The following CADM1 variants were observed in gnomAD, a reference collection of about 807,000 sequenced individuals.
CADM1 encodes the protein TSLC-1.
A neutral mutation model predicts 53.1 loss-of-function variants in CADM1; 15 were observed. The observed-to-expected ratio is 0.28, with a 90% confidence interval of 0.19 to 0.44. The LOEUF is 0.44. Among genes scored for constraint, CADM1 ranks in the 20% least tolerant of loss-of-function variants. CADM1 has a pLI of 1.00. For synonymous variants in CADM1, 281 were observed against 243.0 expected, an observed-to-expected ratio of 1.16 and a Z score of -1.45; for missense variants, 434 against 611.3, an observed-to-expected ratio of 0.71 and a Z score of 3.06.
At chr11:115,389,966 G>C (rs952640050) in intron 1 of CADM1, among the ~76,000 whole-genome samples, 2 of 152,254 alleles carry the variant, frequency 1.3e-5, no homozygotes, top group African/African-American at 4.8e-5. Flanking sequence ...TAGTCTCAAA[G>C]ATGGGAACTA....
At chr11:115,470,895 C>G (rs1054096901) in intron 1 of CADM1, among the ~76,000 whole-genome samples, 2 of 152,162 alleles carry the variant, frequency 1.3e-5, no homozygotes, top group African/African-American at 2.4e-5. Flanking sequence ...GGGAATCAAT[C>G]ACTGGAAGAA....
chr11:115,461,820 G>A (rs1295077141), intron 1 of CADM1, among the ~76,000 whole-genome samples: 2 of 152,066 alleles, frequency 1.3e-5, no homozygotes, highest in African/African-American at 4.8e-5. Flanking sequence ...GTTTGAGAGG[G>A]CAGGGGGACT....
chr11:115,369,383 G>A (rs886497207), intron 1 of CADM1, among the ~76,000 whole-genome samples: 1 of 152,146 alleles, frequency 6.6e-6, no homozygotes, highest in African/African-American at 2.4e-5. Flanking sequence ...CGGTTGTTCA[G>A]AGCAAGTAAT....
At chr11:115,501,857 T>C (rs1949733887) in intron 1 of CADM1, among the ~76,000 whole-genome samples, 1 of 152,058 alleles carries the variant, frequency 6.6e-6, no homozygotes, top group Admixed American at 6.5e-5. Context: ...ACCCCTGGGG[T>C]ATGGGACCCC....
chr11:115,464,561 T>G (rs376999361), intron 1 of CADM1, among the ~76,000 whole-genome samples: 2 of 152,346 alleles, frequency 1.3e-5, no homozygotes, highest in African/African-American at 4.8e-5. Context: ...GGCTGTGTCC[T>G]AAACTCAAAG....
At position 115,394,091 on chromosome 11, in the gene CADM1, T is replaced by C. The variant is rs192489896; in HGVS notation, c.124+110180A>G. 1.6e-4 allele frequency among the ~76,000 whole-genome samples: 24 copies of C among 152,290 alleles called. No individual in the cohort carries two copies. The East Asian group carries it at 4.4e-3, about 28-fold the overall frequency. ...CAAACATTTAGAACAAAGACAATGG[T>C]TGTGCTTACAGATCTAGATCTACAG... On this transcript the variant is annotated intron_variant, in intron 1 of 11. Coordinates refer to ENST00000331581, the MANE Select transcript of CADM1 (RefSeq NM_001301043.2).
intron 10 of CADM1, among the ~76,000 whole-genome samples, chr11:115,181,607 A>G (rs1290796790): frequency 1.3e-5 from 2 of 152,002 alleles, no homozygotes; most frequent in East Asian, 3.9e-4. Flanking sequence ...CGAGCGCCTC[A>G]CCGCCTCTTC....
chr11:115,453,305 T>C (rs1948614189), intron 1 of CADM1, among the ~76,000 whole-genome samples: 1 of 151,444 alleles, frequency 6.6e-6, no homozygotes, highest in Non-Finnish European at 1.5e-5. Flanking sequence ...AGCTCATGGC[T>C]GCAGTGAGCC....
At chr11:115,243,464 T>C (rs184464797) in intron 1 of CADM1, among the ~76,000 whole-genome samples, 1 of 152,182 alleles carries the variant, frequency 6.6e-6, no homozygotes, top group East Asian at 1.9e-4. Context: ...ATGGGTCAGC[T>C]GGACGGCAGT....
chr11:115,178,958 T>C (rs1250190264), intron 10 of CADM1, 183 bp from the exon 11 acceptor site: 1 of 675,084 alleles, frequency 1.5e-6, no homozygotes, highest in Non-Finnish European at 2.6e-6. Flanking sequence ...TGAATCGATC[T>C]GTTCTCCCCA....
chr11:115,414,024 G>T (rs1180549700), intron 1 of CADM1, among the ~76,000 whole-genome samples: 1 of 151,820 alleles, frequency 6.6e-6, no homozygotes. Flanking sequence ...CACTCATAAG[G>T]AATAATTCCT....
chr11:115,402,394 G>A (rs1052360440), intron 1 of CADM1, among the ~76,000 whole-genome samples: 2 of 151,960 alleles, frequency 1.3e-5, no homozygotes, highest in South Asian at 2.1e-4. Context: ...GTGGTGGTGC[G>A]TGCCTGTAGT....
At chr11:115,343,137 A>T (rs1412227885) in intron 1 of CADM1, among the ~76,000 whole-genome samples, 5 of 152,146 alleles carry the variant, frequency 3.3e-5, no homozygotes, top group Non-Finnish European at 5.9e-5. Context: ...GCATTATCTC[A>T]CTGAGTTCTC....
Position 115,171,470 on chromosome 11 carries a change from G to C in CADM1, c.*5004C>G, listed in dbSNP as rs1474153126. On this transcript the variant is annotated 3_prime_UTR_variant, in exon 12 of 12. Coordinates refer to ENST00000331581, the MANE Select transcript of CADM1 (RefSeq NM_001301043.2). ...CGCATATCACCTCAGGGTTCCAGTT[G>C]ATGTATTTGGAGAATGCCAGGCCAA... is the stretch of plus-strand genomic sequence containing the variant. The C allele has an allele frequency of 6.6e-6, 1 of 152,196 alleles. No homozygotes were observed. Among genetic ancestry groups the C allele is most frequent in the Non-Finnish European group, 1.5e-5 (1 of 68,038 alleles). 9.4% of individuals were successfully genotyped at this position (152,196 alleles called of 1,614,324 possible).
At chr11:115,329,171 G>GA (rs200793168) in intron 1 of CADM1, among the ~76,000 whole-genome samples, 109 of 150,856 alleles carry the variant, frequency 7.2e-4, no homozygotes, top group African/African-American at 2.4e-3. Flanking sequence ...TTTCTAGTTA[G>GA]AAAAAAAAAT....
chr11:115,180,008 T>C (rs887025314), intron 10 of CADM1, among the ~76,000 whole-genome samples: 1 of 152,186 alleles, frequency 6.6e-6, no homozygotes, highest in African/African-American at 2.4e-5. Context: ...TATCTCTGTC[T>C]CTCTCCAAAG....
At chr11:115,206,834 CT>C (rs1235841938) in intron 8 of CADM1, among the ~76,000 whole-genome samples, 1 of 119,146 alleles carries the variant, frequency 8.4e-6, no homozygotes, top group Non-Finnish European at 1.6e-5. Context: ...GCTGCTGCAG[CT>C]TTTAAGGCTA....
chr11:115,264,699 A>G (rs937461412), intron 1 of CADM1, among the ~76,000 whole-genome samples: 1 of 152,190 alleles, frequency 6.6e-6, no homozygotes, highest in East Asian at 1.9e-4. Flanking sequence ...CTAAGCCTCC[A>G]TTTTGTCATC....
chr11:115,240,889 C>T (rs2134915126), intron 1 of CADM1: 1 of 194,658 alleles, frequency 5.1e-6, no homozygotes, highest in Middle Eastern at 2.3e-3. Flanking sequence ...ATAATCTCGT[C>T]TTGTTAGTTG....
Sources: allele counts gnomAD v4.1 joint callset (sites outside exome capture counted in the v4.1 genomes callset), GRCh38; gene constraint gnomAD v4.1.1; transcripts MANE v1.5; gene names NCBI Gene and HGNC (gene_info 2026-07-23, HGNC 2026-07-21).